The following H2BC18 variants were observed in gnomAD, a reference collection of about 807,000 sequenced individuals.
H2BC18 encodes histone H2B type 2-F.
H2BC18 carries 8 observed loss-of-function variants against 6.3 expected under a neutral mutation model. The ratio of observed to expected loss-of-function variants is 1.28; its 90% CI spans 0.75 to 2.31. H2BC18 has a LOEUF of 2.31. H2BC18 is among the 30% of genes most tolerant of loss of function. The probability of loss-of-function intolerance (pLI) is 0.00; values close to 1 mark genes in which losing one functional copy is unlikely to be tolerated. For synonymous variants in H2BC18, 104 were observed against 78.1 expected, an observed-to-expected ratio of 1.33 and a Z score of -1.75; for missense variants, 106 against 174.5, an observed-to-expected ratio of 0.61 and a Z score of 2.21.
chr1:149,792,407 T>C, intron 1 of H2BC18: 1 of 607,338 alleles, frequency 1.6e-6, no homozygotes, highest in Non-Finnish European at 2.2e-6. Context: ...GGGCTGTAGT[T>C]TGGAGACAAA....
intron 1 of H2BC18, among the ~76,000 whole-genome samples, chr1:149,799,097 T>A (rs1320770343): frequency 7.0e-6 from 1 of 142,642 alleles, no homozygotes; most frequent in African/African-American, 2.7e-5. Context: ...TTTAGCAATA[T>A]CTTTTACCAA....
At chr1:149,799,263 G>A (rs587755599) in intron 1 of H2BC18, among the ~76,000 whole-genome samples, 7 of 150,140 alleles carry the variant, frequency 4.7e-5, no homozygotes, top group South Asian at 2.1e-4. Flanking sequence ...ATAATGCTTC[G>A]TGTCTTCTTA....
At chr1:149,790,528 T>C in intron 1 of H2BC18, 1 of 930,338 alleles carries the variant, frequency 1.1e-6, no homozygotes, top group Non-Finnish European at 1.6e-6. Flanking sequence ...TTAAATTTCC[T>C]TTCCTTTCTT....
chr1:149,791,244 G>T (rs781957513), intron 1 of H2BC18: 3 of 1,605,058 alleles, frequency 1.9e-6, no homozygotes, highest in Non-Finnish European at 2.5e-6. Context: ...CAGGCCTCCA[G>T]TTACCAACTC....
At chr1:149,806,797 G>A (rs2091921517) in intron 1 of H2BC18, among the ~76,000 whole-genome samples, 1 of 152,162 alleles carries the variant, frequency 6.6e-6, no homozygotes, top group Non-Finnish European at 1.5e-5. Context: ...AATAGCAAGT[G>A]CAAACATCCT....
intron 1 of H2BC18, among the ~76,000 whole-genome samples, chr1:149,802,704 A>G (rs1419717404): frequency 3.3e-5 from 5 of 152,230 alleles, no homozygotes; most frequent in African/African-American, 1.2e-4. Flanking sequence ...AGAGTAGGGA[A>G]GCCCACAGTG....
chr1:149,790,625 C>T (rs1310150121), intron 1 of H2BC18, among the ~76,000 whole-genome samples: 1 of 148,938 alleles, frequency 6.7e-6, no homozygotes, highest in African/African-American at 2.5e-5. Context: ...TTTTATTTTC[C>T]CCTCCCTCCC....
At chr1:149,811,683 C>G (rs2091976107), downstream of H2BC18, 1 of 585,756 alleles carries the variant, frequency 1.7e-6, no homozygotes, top group Non-Finnish European at 3.0e-6. Flanking sequence ...CGAGTCAAAC[C>G]TTTCGAATCT....
At chr1:149,785,682 G>T (rs1553750763) in intron 1 of H2BC18, 1 of 151,936 alleles carries the variant, frequency 6.6e-6, no homozygotes, top group African/African-American at 2.4e-5. Flanking sequence ...ACATTTTAAT[G>T]TGAATTTTCA....
At chr1:149,799,675 T>C (rs1419237729) in intron 1 of H2BC18, among the ~76,000 whole-genome samples, 12 of 152,218 alleles carry the variant, frequency 7.9e-5, no homozygotes, top group Non-Finnish European at 1.0e-4. Context: ...CCTCTCTAAC[T>C]CCTCATCCTG....
At chr1:149,800,176 T>C (rs1298293273) in intron 1 of H2BC18, among the ~76,000 whole-genome samples, 1 of 152,094 alleles carries the variant, frequency 6.6e-6, no homozygotes, top group Non-Finnish European at 1.5e-5. Flanking sequence ...AAAATACAGA[T>C]GAAAAGATGC....
At chr1:149,784,700 CTATATA>C (rs34346480) in intron 1 of H2BC18, among the ~76,000 whole-genome samples, 124 of 146,206 alleles carry the variant, frequency 8.5e-4, no homozygotes, top group Non-Finnish European at 1.5e-3. Flanking sequence ...TATATATAAA[CTATATA>C]TATATATATA....
chr1:149,785,787 G>C (rs2091533577), intron 1 of H2BC18: 1 of 151,954 alleles, frequency 6.6e-6, no homozygotes, highest in Non-Finnish European at 1.5e-5. Context: ...GACATTTCCA[G>C]CACCTCAGAA....
chr1:149,790,111 A>G, intron 1 of H2BC18: 1 of 1,613,886 alleles, frequency 6.2e-7, no homozygotes, highest in Non-Finnish European at 8.5e-7. Context: ...CTGGAGGGGA[A>G]TCTGGTCACC....
chr1:149,811,829 A>G, downstream of H2BC18: 1 of 973,528 alleles, frequency 1.0e-6, no homozygotes, highest in Non-Finnish European at 1.5e-6. Flanking sequence ...CTACCTGACC[A>G]AAAGCTATCA....
intron 1 of H2BC18, among the ~76,000 whole-genome samples, chr1:149,789,335 G>A (rs1346102712): frequency 1.3e-5 from 2 of 152,182 alleles, no homozygotes; most frequent in Non-Finnish European, 2.9e-5. Flanking sequence ...GGAGCTTGCA[G>A]TGAGCTGAGA....
intron 1 of H2BC18, chr1:149,786,205 G>A (rs2102036707): frequency 6.6e-6 from 1 of 152,024 alleles, no homozygotes; most frequent in East Asian, 1.9e-4. Flanking sequence ...TAATGACTAT[G>A]ATATTGACCA....
intron 1 of H2BC18, among the ~76,000 whole-genome samples, chr1:149,806,525 T>C (rs1571418869): frequency 6.6e-6 from 1 of 151,754 alleles, no homozygotes; most frequent in African/African-American, 2.4e-5. Flanking sequence ...GAGGTGGAGG[T>C]TGCAGTGAGC....
chr1:149,799,936 TG>T (rs2091847483), intron 1 of H2BC18, among the ~76,000 whole-genome samples: 1 of 151,934 alleles, frequency 6.6e-6, no homozygotes, highest in Non-Finnish European at 1.5e-5. Flanking sequence ...ACCAGCTGAG[TG>T]TACTCCAATT....
Sources: gnomAD v4.1 joint callset for allele counts (sites outside exome capture counted in the v4.1 genomes callset) on GRCh38, gnomAD v4.1.1 for gene constraint, MANE v1.5 for transcripts, NCBI Gene and HGNC (gene_info 2026-07-23, HGNC 2026-07-21) for gene names.